Variants in XKR4 observed in about 807,000 individuals in gnomAD.
The protein encoded by XKR4 is XK-related protein 4.
Under a neutral mutation model 53.9 loss-of-function variants are expected in XKR4, and 12 were observed. The ratio of observed to expected loss-of-function variants is 0.22; its 90% confidence interval spans 0.14 to 0.36. The LOEUF (loss-of-function observed/expected upper bound fraction) is 0.36, where lower values mean the gene tolerates loss of function less well. XKR4 is among the 10% of genes least tolerant of loss of function. The pLI, the probability that XKR4 is intolerant of heterozygous loss-of-function variation, is 1.00. For synonymous variants in XKR4, 354 were observed against 362.4 expected, an observed-to-expected ratio of 0.98 and a Z score of 0.26; for missense variants, 799 against 859.5, an observed-to-expected ratio of 0.93 and a Z score of 0.88.
At chr8:55,373,442 C>G (rs1804101296) in intron 2 of XKR4, among the ~76,000 whole-genome samples, 1 of 152,186 alleles carries the variant, frequency 6.6e-6, no homozygotes. Flanking sequence ...ACTAGGATTA[C>G]AGGCATGAAC....
chr8:55,320,549 TC>T (rs1179248473), intron 1 of XKR4, among the ~76,000 whole-genome samples: 1 of 152,168 alleles, frequency 6.6e-6, no homozygotes, highest in Non-Finnish European at 1.5e-5. Context: ...TATTTGGCCT[TC>T]TTTTCACAAA....
At chr8:55,216,820 A>G (rs1280838402) in intron 1 of XKR4, among the ~76,000 whole-genome samples, 1 of 152,010 alleles carries the variant, frequency 6.6e-6, no homozygotes, top group African/African-American at 2.4e-5. Context: ...AAAACTATAA[A>G]GATAATGGAA....
intron 1 of XKR4, among the ~76,000 whole-genome samples, chr8:55,241,670 C>T (rs997147241): frequency 5.3e-5 from 8 of 152,084 alleles, no homozygotes; most frequent in Non-Finnish European, 1.0e-4. Context: ...TCAATCATTC[C>T]CCTAGGTCTC....
chr8:55,405,712 T>C (rs940766375), intron 2 of XKR4, among the ~76,000 whole-genome samples: 1 of 152,206 alleles, frequency 6.6e-6, no homozygotes, highest in Admixed American at 6.5e-5. Flanking sequence ...GTCCAGACTC[T>C]AGGAGTCTAG....
In XKR4 at chr8:55,513,679, C is replaced by T. The variant is rs572250163; in HGVS notation, c.1007-9602C>T. ...TAGGAGGTACTGACACCAGGAGGTT[C>T]CATAGGTTTGTTTGGTTGTTTGGCT... On this transcript the variant is annotated intron_variant, in intron 2 of 2. Transcript: ENST00000327381. Among the ~76,000 whole-genome samples, 19 of 152,292 alleles carry T rather than the reference C, an allele frequency of 1.2e-4. 1 individual carries two copies. In the East Asian group the frequency reaches 3.5e-3, roughly 28 times the overall value.
In XKR4 at chr8:55,357,812, G is replaced by C. The variant is rs769876762; in HGVS notation, c.941G>C (p.Ser314Thr). 4.3e-6 allele frequency: 7 copies of C among 1,614,084 alleles called. No individual in the cohort carries two copies. The South Asian group carries it at 7.7e-5, about 18-fold the overall frequency. ...MLHLLATFLE[S>T]APQLVLQLCI... is the part of the protein sequence containing the mutation. The stretch of plus-strand genomic sequence containing the variant: ...CATTTGCTAGCCACCTTTCTGGAAA[G>C]TGCTCCACAGCTGGTCCTGCAGCTC... Residue 314 changes from serine (S) to threonine (T), a missense_variant, in exon 2 of 3, where the codon AGT becomes ACT. Ser to Thr is a moderately conservative substitution (Grantham distance 58). Transcript: ENST00000327381.
chr8:55,218,387 G>C (rs185136153), intron 1 of XKR4, among the ~76,000 whole-genome samples: 26 of 152,274 alleles, frequency 1.7e-4, no homozygotes, highest in African/African-American at 5.3e-4. Flanking sequence ...ATGAAACATA[G>C]TATGAGGCTA....
intron 2 of XKR4, among the ~76,000 whole-genome samples, chr8:55,476,007 A>G (rs991779424): frequency 6.6e-6 from 1 of 151,980 alleles, no homozygotes; most frequent in Non-Finnish European, 1.5e-5. Flanking sequence ...CAGCCTTCCA[A>G]AGTGCTGGGA....
chr8:55,279,710 C>T (rs1294023536), intron 1 of XKR4, among the ~76,000 whole-genome samples: 3 of 152,174 alleles, frequency 2.0e-5, no homozygotes, highest in Non-Finnish European at 1.5e-5. Context: ...CAGCTGTTCG[C>T]CTCAGCCCGT....
intron 1 of XKR4, among the ~76,000 whole-genome samples, chr8:55,143,843 A>G (rs1816737125): frequency 6.6e-6 from 1 of 152,248 alleles, no homozygotes; most frequent in South Asian, 2.1e-4. Context: ...CGGTAAATAC[A>G]GCAAAGAGCC....
intron 1 of XKR4, among the ~76,000 whole-genome samples, chr8:55,154,600 G>T (rs1816881020): frequency 6.6e-6 from 1 of 152,156 alleles, no homozygotes; most frequent in Non-Finnish European, 1.5e-5. Flanking sequence ...CCTTTCCTGG[G>T]CTTTAGACTT....
chr8:55,116,399 C>G (rs1816309824), intron 1 of XKR4, among the ~76,000 whole-genome samples: 1 of 152,132 alleles, frequency 6.6e-6, no homozygotes, highest in Non-Finnish European at 1.5e-5. Flanking sequence ...CCTGCACTTC[C>G]CCTCCTCACA....
chr8:55,427,525 T>A (rs955974638), intron 2 of XKR4, among the ~76,000 whole-genome samples: 1 of 152,192 alleles, frequency 6.6e-6, no homozygotes, highest in African/African-American at 2.4e-5. Flanking sequence ...AACCAGTTAT[T>A]AATTAAAATT....
rs1195964305 is a variant in XKR4 at position 55,216,721 on chromosome 8, G to C, written c.806+113427G>C. ...CAGCCTGGGTGATAAGAGCGAAATT[G>C]CATCTCAAAAAAAAAAAAAAAATTA... On this transcript the variant is annotated intron_variant, in intron 1 of 2. Coordinates refer to ENST00000327381, the MANE Select transcript of XKR4 (RefSeq NM_052898.2). 1.6e-4 allele frequency among the ~76,000 whole-genome samples: 19 copies of C among 122,574 alleles called. 1 individual carries two copies. The highest frequency in any genetic ancestry group is 3.2e-4 in the Non-Finnish European group (18 of 56,386). 80.4% of individuals were successfully genotyped at this position (122,574 alleles called of 152,430 possible). A position where few individuals can be genotyped will look rare whatever the true frequency, so the allele number is the denominator to read the frequency against.
intron 1 of XKR4, among the ~76,000 whole-genome samples, chr8:55,230,017 C>A (rs917551321): frequency 2.6e-5 from 4 of 152,142 alleles, no homozygotes; most frequent in Non-Finnish European, 5.9e-5. Flanking sequence ...GCCTTCCTGC[C>A]ATTTCTCTCA....
intron 1 of XKR4, among the ~76,000 whole-genome samples, chr8:55,259,351 T>C (rs1818484235): frequency 6.6e-6 from 1 of 152,222 alleles, no homozygotes; most frequent in Non-Finnish European, 1.5e-5. Flanking sequence ...GGACTTAATA[T>C]CGGGCATTAA....
chr8:55,452,921 C>A, intron 2 of XKR4: 1 of 795,436 alleles, frequency 1.3e-6, no homozygotes, highest in Non-Finnish European at 2.2e-6. Flanking sequence ...CCTGGCTGAA[C>A]ACTGTGCTCT....
chr8:55,148,016 T>C (rs1816792813), intron 1 of XKR4, among the ~76,000 whole-genome samples: 1 of 152,032 alleles, frequency 6.6e-6, no homozygotes, highest in African/African-American at 2.4e-5. Flanking sequence ...ATTCCTCATT[T>C]CTCTAACCTG....
intron 2 of XKR4, chr8:55,452,384 G>C (rs555147628): frequency 2.1e-5 from 13 of 631,112 alleles, no homozygotes; most frequent in Non-Finnish European, 3.8e-5. Context: ...AGATGACCCG[G>C]TACGTAGTGA....
Sources: allele counts gnomAD v4.1 joint callset (sites outside exome capture counted in the v4.1 genomes callset), GRCh38; gene constraint gnomAD v4.1.1; transcripts MANE v1.5; gene names NCBI Gene and HGNC (gene_info 2026-07-23, HGNC 2026-07-21).